GRID2: variants seen among roughly 807,000 people sequenced by gnomAD.
GRID2 encodes the protein glutamate receptor ionotropic, delta-2.
GRID2 carries 33 observed loss-of-function variants against 114.8 expected under a neutral mutation model. The ratio of observed to expected loss-of-function variants is 0.29; its 90% CI spans 0.22 to 0.38. GRID2 has a LOEUF of 0.38. GRID2 is among the 10% of genes least tolerant of loss of function. GRID2 has a pLI of 1.00. For synonymous variants in GRID2, 505 were observed against 449.9 expected, an observed-to-expected ratio of 1.12 and a Z score of -1.55; for missense variants, 1,184 against 1,257.7, an observed-to-expected ratio of 0.94 and a Z score of 0.89.
intron 2 of GRID2, among the ~76,000 whole-genome samples, chr4:92,688,037 CTTTTTTTTTTTTTTTTTTTTT>C (rs760605020): frequency 2.2e-5 from 1 of 44,656 alleles, no homozygotes; most frequent in South Asian, 7.9e-4. Flanking sequence ...CCTTCTTCTT[CTTTTTTTTTTTTTTTTTTTTT>C]TTTTTTTTGG....
At chr4:93,447,734 G>A (rs961065118) in intron 10 of GRID2, among the ~76,000 whole-genome samples, 1 of 151,868 alleles carries the variant, frequency 6.6e-6, no homozygotes, top group Non-Finnish European at 1.5e-5. Flanking sequence ...TAGGCCAAAT[G>A]ATTAAGACAT....
At chr4:92,437,892 T>C (rs2110352636) in intron 1 of GRID2, among the ~76,000 whole-genome samples, 1 of 152,356 alleles carries the variant, frequency 6.6e-6, no homozygotes, top group Middle Eastern at 3.4e-3. Flanking sequence ...AAATGATTTA[T>C]ATCTCAGTAT....
intron 2 of GRID2, among the ~76,000 whole-genome samples, chr4:92,918,425 G>C (rs148074755): frequency 1.3e-5 from 2 of 152,074 alleles, no homozygotes; most frequent in Admixed American, 6.6e-5. Flanking sequence ...TCCCTGTCTT[G>C]TACCAGTTTT....
At chr4:92,338,346 GT>G (rs1727293391) in intron 1 of GRID2, among the ~76,000 whole-genome samples, 1 of 152,034 alleles carries the variant, frequency 6.6e-6, no homozygotes, top group African/African-American at 2.4e-5. Flanking sequence ...GAACAGAAAA[GT>G]TTTTCAATGA....
rs887747234 is a variant in GRID2 at position 93,635,320 on chromosome 4, G to T, written c.2360+8885G>T. Among the ~76,000 whole-genome samples, 17 of 150,746 alleles carry T rather than the reference G, an allele frequency of 1.1e-4. 1 individual carries two copies. The highest frequency in any genetic ancestry group is 8.6e-4 in the Admixed American group (13 of 15,080). ...ATTAAGAAAGGAGAACATTTGAAGA[G>T]TCTCAAAATAAAAGCAAGAAAGAGG... On this transcript the variant is annotated intron_variant, in intron 14 of 15. Transcript: ENST00000282020.
intron 4 of GRID2, among the ~76,000 whole-genome samples, chr4:93,147,013 T>C (rs1209208110): frequency 1.3e-5 from 2 of 152,166 alleles, no homozygotes; most frequent in Non-Finnish European, 2.9e-5. Context: ...TATAATGAGA[T>C]TGAATACAAA....
intron 13 of GRID2, among the ~76,000 whole-genome samples, chr4:93,520,158 A>G (rs927947441): frequency 7.2e-5 from 11 of 152,192 alleles, no homozygotes; most frequent in African/African-American, 2.7e-4. Flanking sequence ...CTGCTATTTT[A>G]CATACTCATT....
At chr4:92,694,988 A>G (rs895531549) in intron 2 of GRID2, among the ~76,000 whole-genome samples, 2 of 152,056 alleles carry the variant, frequency 1.3e-5, no homozygotes, top group Non-Finnish European at 2.9e-5. Flanking sequence ...GTTTTTTGGG[A>G]TGGAGTCTCA....
At chr4:93,681,819 T>C (rs1046667142) in intron 14 of GRID2, among the ~76,000 whole-genome samples, 2 of 152,182 alleles carry the variant, frequency 1.3e-5, no homozygotes, top group Middle Eastern at 3.4e-3. Context: ...CCTAAAACCA[T>C]AAAAACCCTA....
At chr4:92,496,395 A>G (rs1420499266) in intron 1 of GRID2, among the ~76,000 whole-genome samples, 1 of 151,904 alleles carries the variant, frequency 6.6e-6, no homozygotes, top group African/African-American at 2.4e-5. Context: ...TAGATCTTGT[A>G]TAAATGAGCA....
chr4:93,618,722 T>C (rs551503592), intron 13 of GRID2, among the ~76,000 whole-genome samples: 14 of 152,318 alleles, frequency 9.2e-5, no homozygotes, highest in Admixed American at 2.6e-4. Flanking sequence ...ACTTAGTTTC[T>C]TCCTTGCCTT....
At chr4:93,659,954 A>G (rs1472984965) in intron 14 of GRID2, among the ~76,000 whole-genome samples, 1 of 152,134 alleles carries the variant, frequency 6.6e-6, no homozygotes, top group East Asian at 1.9e-4. Context: ...CACATGACTC[A>G]TTATTTTACA....
chr4:92,923,290 A>G (rs1322183059), intron 2 of GRID2, among the ~76,000 whole-genome samples: 1 of 152,176 alleles, frequency 6.6e-6, no homozygotes, highest in Non-Finnish European at 1.5e-5. Flanking sequence ...TAACATGTTT[A>G]TGCTGATAAT....
At chr4:93,590,066 C>G (rs1738031313) in intron 13 of GRID2, among the ~76,000 whole-genome samples, 1 of 150,464 alleles carries the variant, frequency 6.6e-6, no homozygotes, top group Non-Finnish European at 1.5e-5. Flanking sequence ...AATTAGATCC[C>G]ATTTGTCAGT....
At position 93,579,981 on chromosome 4, in the gene GRID2, T is replaced by A. The variant is rs74985494; in HGVS notation, c.2194-46288T>A. On this transcript the variant is annotated intron_variant, in intron 13 of 15. Coordinates refer to ENST00000282020, the MANE Select transcript of GRID2 (RefSeq NM_001510.4). ...TGCTCTGATCTATGTTCTTTGTTAT[T>A]AAGGCTCTCCAAAAATTATTTTGAA... Among the ~76,000 whole-genome samples, 456 of 152,314 alleles carry A rather than the reference T, an allele frequency of 3.0e-3. 5 individuals are homozygous for A. Among genetic ancestry groups the A allele is most frequent in the East Asian group, 0.019 (99 of 5,192 alleles).
chr4:93,594,788 A>G (rs575082749), intron 13 of GRID2, among the ~76,000 whole-genome samples: 129 of 152,158 alleles, frequency 8.5e-4, no homozygotes, highest in Non-Finnish European at 1.5e-3. Context: ...GGAAAAGCGC[A>G]GTATTCGGGT....
chr4:93,075,117 G>T (rs183707983), intron 2 of GRID2, among the ~76,000 whole-genome samples: 5 of 152,206 alleles, frequency 3.3e-5, no homozygotes, highest in Admixed American at 3.3e-4. Flanking sequence ...ATTTACTGAA[G>T]CCAGCATTAT....
chr4:92,740,946 G>T (rs981612054), intron 2 of GRID2, among the ~76,000 whole-genome samples: 4 of 151,988 alleles, frequency 2.6e-5, no homozygotes, highest in African/African-American at 4.8e-5. Flanking sequence ...ATTAGAAGGG[G>T]TTTCACCATG....
chr4:92,974,349 A>G (rs914458506), intron 2 of GRID2, among the ~76,000 whole-genome samples: 1 of 152,160 alleles, frequency 6.6e-6, no homozygotes, highest in Non-Finnish European at 1.5e-5. Context: ...ATATACCCAA[A>G]GGATTATAAA....
Sources: gnomAD v4.1 joint callset for allele counts (sites outside exome capture counted in the v4.1 genomes callset) on GRCh38, gnomAD v4.1.1 for gene constraint, MANE v1.5 for transcripts, NCBI Gene and HGNC (gene_info 2026-07-23, HGNC 2026-07-21) for gene names.